CPNE4: variants seen among roughly 807,000 people sequenced by gnomAD.
CPNE4 encodes copine 4.
Under a neutral mutation model 67.9 loss-of-function variants are expected in CPNE4, and 25 were observed. The observed-to-expected ratio is 0.37, with a 90% confidence interval of 0.27 to 0.51. The LOEUF is 0.51. Among genes scored for constraint, CPNE4 ranks in the 20% least tolerant of loss-of-function variants. The pLI is 0.93. For missense variants in CPNE4, 464 were observed against 690.8 expected (o/e 0.67, Z 3.68); for synonymous variants, 242 against 244.9 (o/e 0.99, Z 0.11).
chr3:131,920,509 C>T (rs1253724799), intron 1 of CPNE4, among the ~76,000 whole-genome samples: 1 of 152,064 alleles, frequency 6.6e-6, no homozygotes. Context: ...ATATTCAAGG[C>T]AGGACAGACT....
At chr3:132,010,920 A>C (rs2039848146) in intron 1 of CPNE4, among the ~76,000 whole-genome samples, 1 of 152,046 alleles carries the variant, frequency 6.6e-6, no homozygotes, top group Admixed American at 6.6e-5. Flanking sequence ...CTTCAAAGGC[A>C]CCCCAGTAGG....
chr3:131,691,707 A>G (rs1393788772), intron 5 of CPNE4, among the ~76,000 whole-genome samples: 1 of 152,180 alleles, frequency 6.6e-6, no homozygotes, highest in African/African-American at 2.4e-5. Flanking sequence ...AAAAGTTGAA[A>G]TATTAAAAAA....
chr3:131,859,908 T>C lies in CPNE4; in HGVS notation c.180+45356A>G, dbSNP rs2107664360. Among the ~76,000 whole-genome samples the C allele has an allele frequency of 2.6e-5, 4 of 152,312 alleles. No individual in the cohort carries two copies. In the South Asian group the frequency reaches 8.3e-4, roughly 32 times the overall value. ...GTACTAATACTAACCCAATAGATCA[T>C]AGGCCAGAAACTAAATAAAATAGAA... On this transcript the variant is annotated intron_variant, in intron 2 of 15. Transcript: ENST00000429747.
chr3:131,806,033 C>T (rs1223131851), intron 2 of CPNE4, among the ~76,000 whole-genome samples: 1 of 152,144 alleles, frequency 6.6e-6, no homozygotes. Flanking sequence ...TAACATGCAG[C>T]TAGAACCATG....
chr3:131,586,433 C>T (rs1285152325), intron 8 of CPNE4, among the ~76,000 whole-genome samples: 1 of 152,146 alleles, frequency 6.6e-6, no homozygotes, highest in Non-Finnish European at 1.5e-5. Context: ...CTAGGGCCTG[C>T]TGGAGAACTC....
chr3:131,759,655 T>C (rs1177834986), intron 2 of CPNE4, among the ~76,000 whole-genome samples: 1 of 152,082 alleles, frequency 6.6e-6, no homozygotes, highest in Non-Finnish European at 1.5e-5. Context: ...TGCAATCAAG[T>C]ACTGATGTTG....
At chr3:131,968,310 T>A (rs1402235015) in intron 1 of CPNE4, among the ~76,000 whole-genome samples, 1 of 152,166 alleles carries the variant, frequency 6.6e-6, no homozygotes, top group Non-Finnish European at 1.5e-5. Flanking sequence ...AAAGACTTCA[T>A]GACTAAAACA....
chr3:131,569,872 G>T (rs1258028224), intron 10 of CPNE4, among the ~76,000 whole-genome samples: 1 of 151,674 alleles, frequency 6.6e-6, no homozygotes, highest in African/African-American at 2.4e-5. Flanking sequence ...TTTTAAAAAT[G>T]ACACAAAAGA....
At chr3:131,781,081 G>A (rs2083422148) in intron 2 of CPNE4, among the ~76,000 whole-genome samples, 1 of 151,686 alleles carries the variant, frequency 6.6e-6, no homozygotes, top group East Asian at 1.9e-4. Flanking sequence ...GTTTTAATGA[G>A]GTGGCTGTGA....
intron 1 of CPNE4, among the ~76,000 whole-genome samples, chr3:132,001,228 G>T (rs529993027): frequency 6.6e-6 from 1 of 152,070 alleles, no homozygotes; most frequent in African/African-American, 2.4e-5. Flanking sequence ...AGAACAGAAG[G>T]TCAGCTAGGT....
chr3:131,791,463 G>C lies in CPNE4; in HGVS notation c.181-67838C>G, dbSNP rs371088273. ...AAGATTTGATTACTGAATCAGGATA[G>C]TTATCCATTTTCTCAACACCTAAAC... On this transcript the variant is annotated intron_variant, in intron 2 of 15. Coordinates refer to ENST00000429747, the MANE Select transcript of CPNE4 (RefSeq NM_130808.3). Among the ~76,000 whole-genome samples the C allele has an allele frequency of 1.6e-3, 246 of 152,248 alleles. 8 individuals carry two copies. In the South Asian group the frequency reaches 0.042, roughly 26 times the overall value.
In CPNE4 at chr3:131,589,295, T is replaced by C. The variant is rs146084008; in HGVS notation, c.682-1713A>G. 3.9e-4 allele frequency among the ~76,000 whole-genome samples: 60 copies of C among 152,260 alleles called. No individual in the cohort carries two copies. In the East Asian group the frequency reaches 9.7e-3, roughly 25 times the overall value. On this transcript the variant is annotated intron_variant, in intron 7 of 15. Coordinates refer to ENST00000429747, the MANE Select transcript of CPNE4 (RefSeq NM_130808.3). The stretch of plus-strand genomic sequence containing the variant: ...CTGAGAGCCCCCAGGAAGCCACTGA[T>C]GCAAGTCCTAGAGTCCAAAGGCCAA...
chr3:131,723,998 C>A (rs2081948020), intron 2 of CPNE4, among the ~76,000 whole-genome samples: 1 of 152,034 alleles, frequency 6.6e-6, no homozygotes, highest in African/African-American at 2.4e-5. Flanking sequence ...TGGGTTTATG[C>A]AGGTGCATAA....
intron 1 of CPNE4, among the ~76,000 whole-genome samples, chr3:131,988,460 G>A (rs1019507516): frequency 1.3e-5 from 2 of 152,138 alleles, no homozygotes; most frequent in Non-Finnish European, 2.9e-5. Context: ...CCAGAAAGAG[G>A]GTCAGTCTAG....
rs139107187 is a variant in CPNE4 at position 131,795,032 on chromosome 3, T to C, written c.181-71407A>G. ...ATGGCAGTACTACTATTTTGGTTAGTTGTTTATTGCTTTATTTTGCAGATG... is the reference window on the plus strand; with the variant it reads ...ATGGCAGTACTACTATTTTGGTTAGCTGTTTATTGCTTTATTTTGCAGATG... On this transcript the variant is annotated intron_variant, in intron 2 of 15. Transcript: ENST00000429747. 1.4e-4 allele frequency among the ~76,000 whole-genome samples: 22 copies of C among 152,314 alleles called. No individual in the cohort carries two copies. The East Asian group carries it at 3.9e-3, about 27-fold the overall frequency.
chr3:131,699,200 T>C (rs2107701664), intron 4 of CPNE4, among the ~76,000 whole-genome samples: 1 of 152,342 alleles, frequency 6.6e-6, no homozygotes, highest in African/African-American at 2.4e-5. Context: ...TATTTAGAAA[T>C]ACTTCTAGCA....
chr3:131,906,568 C>A (rs917222246), intron 1 of CPNE4, among the ~76,000 whole-genome samples: 2 of 151,916 alleles, frequency 1.3e-5, no homozygotes, highest in Non-Finnish European at 2.9e-5. Context: ...CATGTCCCTA[C>A]AAAGGACATG....
chr3:132,017,487 C>G (rs1336683601), intron 1 of CPNE4: 1 of 152,172 alleles, frequency 6.6e-6, no homozygotes, highest in Non-Finnish European at 1.5e-5. Flanking sequence ...TTTTTATATA[C>G]TTGTTCCCTT....
chr3:131,706,367 C>T (rs2081413250), intron 3 of CPNE4, among the ~76,000 whole-genome samples: 1 of 152,250 alleles, frequency 6.6e-6, no homozygotes, highest in African/African-American at 2.4e-5. Context: ...TATGTGACAG[C>T]TACCGCTGTA....
Sources: gnomAD v4.1 joint callset for allele counts (sites outside exome capture counted in the v4.1 genomes callset) on GRCh38, gnomAD v4.1.1 for gene constraint, MANE v1.5 for transcripts, NCBI Gene and HGNC (gene_info 2026-07-23, HGNC 2026-07-21) for gene names.